The following CLNK variants were observed in gnomAD, a reference collection of about 807,000 sequenced individuals.
CLNK encodes the protein cytokine dependent hematopoietic cell linker.
In CLNK, 74 loss-of-function variants were observed where a neutral mutation model predicts 68.6. The observed-to-expected ratio is 1.08, with a 90% CI of 0.89 to 1.31. The LOEUF (loss-of-function observed/expected upper bound fraction) is 1.31. CLNK is among the 50% of genes most tolerant of loss of function. The pLI is 0.00. For missense variants in CLNK, 553 were observed against 515.3 expected (o/e 1.07, Z -0.71); for synonymous variants, 198 against 172.2 (o/e 1.15, Z -1.17).
chr4:10,602,688 G>A (rs1721633968), intron 2 of CLNK, among the ~76,000 whole-genome samples: 1 of 152,176 alleles, frequency 6.6e-6, no homozygotes, highest in Admixed American at 6.5e-5. Flanking sequence ...GTGGCAATTT[G>A]TTATGGCAGC....
chr4:10,518,114 A>G (rs1048053572), intron 15 of CLNK, among the ~76,000 whole-genome samples: 1 of 152,186 alleles, frequency 6.6e-6, no homozygotes, highest in Non-Finnish European at 1.5e-5. Flanking sequence ...AAGCCACAAG[A>G]CAAGGAGAGG....
At chr4:10,619,970 C>G (rs1374824340) in intron 2 of CLNK, among the ~76,000 whole-genome samples, 1 of 152,080 alleles carries the variant, frequency 6.6e-6, no homozygotes, top group Non-Finnish European at 1.5e-5. Flanking sequence ...TTCAATGGTA[C>G]AGAAAGAGGG....
chr4:10,565,680 G>T (rs1158330831), intron 6 of CLNK, among the ~76,000 whole-genome samples: 2 of 151,664 alleles, frequency 1.3e-5, no homozygotes, highest in African/African-American at 2.4e-5. Flanking sequence ...GCTCATCATT[G>T]TTCCTAGGGC....
chr4:10,501,539 T>C, intron 17 of CLNK, 128 bp from the exon 18 acceptor site: 1 of 876,454 alleles, frequency 1.1e-6, no homozygotes, highest in South Asian at 1.7e-5. Flanking sequence ...ACCACTTTAA[T>C]TCAGTAAGTT....
At chr4:10,613,727 G>A (rs1722123972) in intron 2 of CLNK, among the ~76,000 whole-genome samples, 1 of 152,164 alleles carries the variant, frequency 6.6e-6, no homozygotes, top group Admixed American at 6.5e-5. Context: ...GTGGGAGCAG[G>A]GGAGGTGTTA....
intron 12 of CLNK, among the ~76,000 whole-genome samples, chr4:10,529,694 G>C (rs764071079): frequency 6.6e-6 from 1 of 152,158 alleles, no homozygotes; most frequent in Non-Finnish European, 1.5e-5. Context: ...CTTTGAACCT[G>C]GCTGTTCAAA....
intron 5 of CLNK, among the ~76,000 whole-genome samples, chr4:10,571,390 A>G (rs535776525): frequency 3.0e-5 from 4 of 134,860 alleles, no homozygotes; most frequent in East Asian, 2.3e-4. Context: ...GCTGAAGTGC[A>G]AGGGTGCTAT....
At chr4:10,559,717 T>G (rs907707993) in intron 7 of CLNK, among the ~76,000 whole-genome samples, 3 of 152,154 alleles carry the variant, frequency 2.0e-5, no homozygotes, top group Non-Finnish European at 4.4e-5. Context: ...CCCAGGAATA[T>G]TTCCTGTCCC....
At chr4:10,630,060 G>A (rs1722825464) in intron 2 of CLNK, among the ~76,000 whole-genome samples, 1 of 152,110 alleles carries the variant, frequency 6.6e-6, no homozygotes, top group Non-Finnish European at 1.5e-5. Context: ...ATACCTGCAA[G>A]ACTAAGAATA....
In CLNK at chr4:10,490,263, T is replaced by C. The variant is rs1040040874; in HGVS notation, c.*204A>G. ...CAGTGGCCAGTTACTAGAATGTTTT[T>C]ATTTTTTGCATGTTATAAATATTTT... On this transcript the variant is annotated 3_prime_UTR_variant, in exon 19 of 19. Coordinates refer to ENST00000226951, the MANE Select transcript of CLNK (RefSeq NM_052964.4). 2.2e-6 allele frequency: 1 copy of C among 454,270 alleles called. No individual in the cohort carries two copies. The highest frequency in any genetic ancestry group is 2.0e-5 in the African/African-American group (1 of 49,560). 28.1% of individuals were successfully genotyped at this position (454,270 alleles called of 1,614,324 possible).
chr4:10,655,375 A>AGAGAGAGAGAGAGAGAGAG (rs71181051), intron 2 of CLNK, among the ~76,000 whole-genome samples: 1 of 139,360 alleles, frequency 7.2e-6, no homozygotes, highest in Admixed American at 7.2e-5. Flanking sequence ...AGAGAGAGAG[A>AGAGAGAGAGAGAGAGAGAG]AAGCGAGAGA....
At chr4:10,507,130 G>C (rs1030682806) in intron 17 of CLNK, among the ~76,000 whole-genome samples, 2 of 150,440 alleles carry the variant, frequency 1.3e-5, no homozygotes, top group Non-Finnish European at 3.0e-5. Context: ...TTTTGTTTTT[G>C]AGACGAAGTC....
At chr4:10,516,789 G>A (rs1392372317) in intron 15 of CLNK, among the ~76,000 whole-genome samples, 1 of 152,122 alleles carries the variant, frequency 6.6e-6, no homozygotes, top group African/African-American at 2.4e-5. Flanking sequence ...GATCTCAGGC[G>A]ATCCGCCCAC....
At chr4:10,549,681 A>G (rs1719370510) in intron 8 of CLNK, among the ~76,000 whole-genome samples, 1 of 152,358 alleles carries the variant, frequency 6.6e-6, no homozygotes, top group Non-Finnish European at 1.5e-5. Context: ...TTATTATAGT[A>G]TGAAAAATTA....
the CLNK span, among the ~76,000 whole-genome samples, chr4:10,730,820 A>C: frequency 6.6e-6 from 1 of 152,144 alleles, no homozygotes; most frequent in African/African-American, 2.4e-5. Flanking sequence ...TTTAACCATC[A>C]CATGCATACT....
At chr4:10,720,920 G>C in the CLNK span, among the ~76,000 whole-genome samples, 1 of 151,982 alleles carries the variant, frequency 6.6e-6, no homozygotes, top group East Asian at 1.9e-4. Flanking sequence ...AACAATGCAA[G>C]TGTCCTTCAG....
At chr4:10,642,369 A>G (rs1160621445) in intron 2 of CLNK, among the ~76,000 whole-genome samples, 3 of 152,152 alleles carry the variant, frequency 2.0e-5, no homozygotes, top group Non-Finnish European at 4.4e-5. Context: ...TGCAAAGGAG[A>G]GAAAACAGGC....
chr4:10,597,899 C>A, intron 3 of CLNK, 79 bp downstream of exon 3: 2 of 960,636 alleles, frequency 2.1e-6, no homozygotes, highest in Admixed American at 4.2e-5. Context: ...TGACAATTTT[C>A]GTGTTTGTGA....
intron 2 of CLNK, among the ~76,000 whole-genome samples, chr4:10,628,652 T>C (rs1038130116): frequency 1.3e-5 from 2 of 152,204 alleles, no homozygotes; most frequent in African/African-American, 2.4e-5. Flanking sequence ...TGCTCCTCCT[T>C]CTTCAGTGAA....
Sources: allele counts gnomAD v4.1 joint callset (sites outside exome capture counted in the v4.1 genomes callset), GRCh38; gene constraint gnomAD v4.1.1; transcripts MANE v1.5; gene names NCBI Gene and HGNC (gene_info 2026-07-23, HGNC 2026-07-21).